HTT-AS: variants seen among roughly 807,000 people sequenced by gnomAD.
HTT-AS encodes the protein HTT antisense RNA.
chr4:3,062,225 C>T (rs1204595572), intron 2 of HTT-AS, among the ~76,000 whole-genome samples: 2 of 152,030 alleles, frequency 1.3e-5, no homozygotes, highest in African/African-American at 4.8e-5. Context: ...GGAATAGGGT[C>T]TCACTATGTG....
chr4:3,047,081 G>A (rs1272128834), downstream of HTT-AS, among the ~76,000 whole-genome samples: 1 of 152,206 alleles, frequency 6.6e-6, no homozygotes, highest in East Asian at 1.9e-4. Context: ...GGAGGCCGAG[G>A]TGGGCAGATC....
At chr4:3,069,674 A>G (rs1396910439) in intron 1 of HTT-AS, among the ~76,000 whole-genome samples, 1 of 152,186 alleles carries the variant, frequency 6.6e-6, no homozygotes, top group Non-Finnish European at 1.5e-5. Context: ...GAACCTAAGG[A>G]AACAGGACAG....
chr4:3,047,537 G>A (rs1232913782), downstream of HTT-AS, among the ~76,000 whole-genome samples: 3 of 152,222 alleles, frequency 2.0e-5, 1 homozygote, highest in African/African-American at 7.2e-5. Context: ...AGACGAGTGT[G>A]AGCCCTCTGT....
chr4:3,069,857 T>C (rs894689045), intron 1 of HTT-AS: 1 of 152,454 alleles, frequency 6.6e-6, no homozygotes. Flanking sequence ...CTCTCAGGGG[T>C]GGGGCTGGAG....
intron 1 of HTT-AS, among the ~76,000 whole-genome samples, chr4:3,065,897 C>A (rs552825201): frequency 2.0e-5 from 3 of 152,276 alleles, no homozygotes; most frequent in East Asian, 3.9e-4. Flanking sequence ...ATCATCAAGT[C>A]AAAAAATTTT....
intron 2 of HTT-AS, among the ~76,000 whole-genome samples, chr4:3,058,667 A>C (rs1462641725): frequency 6.6e-6 from 1 of 151,714 alleles, no homozygotes. Flanking sequence ...ATTCAAGATG[A>C]AGTTGTTCTG....
chr4:3,058,331 GA>G lies in HTT-AS; in HGVS notation n.1380+4102del, dbSNP rs201222828. ...ACAAGAATGAAACTCTGTCTCAAAA[GA>G]AAAAAAAAAAATAGAACATATAGGG... On this transcript the variant is annotated intron_variant and non_coding_transcript_variant, in intron 2 of 2. Coordinates refer to ENST00000664062, the Ensembl canonical transcript of HTT-AS. Among the ~76,000 whole-genome samples the G allele has an allele frequency of 2.1e-3, 295 of 143,422 alleles. 3 individuals are homozygous for G. In the East Asian group the frequency reaches 0.021, roughly 10 times the overall value. 94.1% of individuals were successfully genotyped at this position (143,422 alleles called of 152,430 possible). A position where few individuals can be genotyped will look rare whatever the true frequency, so the allele number is the denominator to read the frequency against.
chr4:3,069,321 T>TG (rs1241750752), intron 1 of HTT-AS, among the ~76,000 whole-genome samples: 1 of 150,974 alleles, frequency 6.6e-6, no homozygotes, highest in East Asian at 2.0e-4. Flanking sequence ...AATTTTTTTT[T>TG]TTTTTTAAAT....
intron 1 of HTT-AS, among the ~76,000 whole-genome samples, chr4:3,066,084 G>A (rs1382987536): frequency 6.6e-6 from 1 of 151,142 alleles, no homozygotes; most frequent in Non-Finnish European, 1.5e-5. Context: ...GAAGAGGGTG[G>A]GAGCGCAGAG....
At chr4:3,068,199 G>A (rs541056717) in intron 1 of HTT-AS, among the ~76,000 whole-genome samples, 5 of 151,462 alleles carry the variant, frequency 3.3e-5, no homozygotes, top group African/African-American at 4.8e-5. Flanking sequence ...CCAGCTACTC[G>A]GGAGGCTGAG....
chr4:3,057,121 C>T (rs1711817514), intron 2 of HTT-AS, among the ~76,000 whole-genome samples: 1 of 151,970 alleles, frequency 6.6e-6, no homozygotes, highest in Admixed American at 6.5e-5. Flanking sequence ...GCAACCTCTG[C>T]CTCCCGGGTT....
intron 2 of HTT-AS, among the ~76,000 whole-genome samples, chr4:3,049,929 C>T (rs965194650): frequency 6.8e-6 from 1 of 146,254 alleles, no homozygotes; most frequent in Non-Finnish European, 1.5e-5. Context: ...CACACACACA[C>T]ACACACACAC....
intron 2 of HTT-AS, among the ~76,000 whole-genome samples, chr4:3,061,161 C>A (rs924672675): frequency 1.3e-5 from 2 of 152,180 alleles, no homozygotes; most frequent in Non-Finnish European, 2.9e-5. Flanking sequence ...GTGACACAGC[C>A]TCAGGAAATC....
exon 2 of HTT-AS, among the ~76,000 whole-genome samples, chr4:3,062,787 C>T (rs145536688): frequency 1.9e-4 from 29 of 152,108 alleles, no homozygotes; most frequent in East Asian, 9.7e-4. Flanking sequence ...GAAGATGAGC[C>T]GTGAGGAAAT....
At chr4:3,055,960 G>A (rs990258525) in intron 2 of HTT-AS, among the ~76,000 whole-genome samples, 5 of 152,170 alleles carry the variant, frequency 3.3e-5, no homozygotes, top group East Asian at 3.9e-4. Context: ...TTTCTTTGGC[G>A]ACTTCCAAAC....
At chr4:3,048,488 A>G (rs1277502367), downstream of HTT-AS, among the ~76,000 whole-genome samples, 1 of 152,182 alleles carries the variant, frequency 6.6e-6, no homozygotes, top group African/African-American at 2.4e-5. Context: ...AGTTTGCAGT[A>G]TGCTCCTTAC....
At chr4:3,050,160 C>T (rs34053308) in intron 2 of HTT-AS, among the ~76,000 whole-genome samples, 9,880 of 152,196 alleles carry the variant, frequency 0.065, 354 homozygotes, top group East Asian at 0.087. Context: ...CCTGGTTCTC[C>T]GTGAGTCCAT....
At chr4:3,062,091 T>A (rs1408147269) in intron 2 of HTT-AS, among the ~76,000 whole-genome samples, 1 of 151,842 alleles carries the variant, frequency 6.6e-6, no homozygotes, top group Non-Finnish European at 1.5e-5. Flanking sequence ...TAGCTTGAAC[T>A]TCCCCTTTAG....
downstream of HTT-AS, among the ~76,000 whole-genome samples, chr4:3,048,107 C>T (rs112351628): frequency 6.6e-6 from 1 of 152,120 alleles, no homozygotes; most frequent in Non-Finnish European, 1.5e-5. Flanking sequence ...TGGTAGTGGT[C>T]CCCTGGGCCC....
Sources: allele counts gnomAD v4.1 joint callset (sites outside exome capture counted in the v4.1 genomes callset), GRCh38; gene constraint gnomAD v4.1.1; transcripts MANE v1.5; gene names NCBI Gene and HGNC (gene_info 2026-07-23, HGNC 2026-07-21).